Variants in MACROD2 observed in about 807,000 individuals in gnomAD.
The protein encoded by MACROD2 is ADP-ribose glycohydrolase MACROD2.
Under a neutral mutation model 70.4 loss-of-function variants are expected in MACROD2, and 36 were observed. That is an observed-to-expected ratio of 0.51 (90% CI 0.39 to 0.68). MACROD2 has a LOEUF of 0.68. MACROD2 is among the 30% of genes least tolerant of loss of function. MACROD2 has a pLI of 0.00. For synonymous variants in MACROD2, 172 were observed against 178.8 expected, an observed-to-expected ratio of 0.96 and a Z score of 0.30; for missense variants, 496 against 538.4, an observed-to-expected ratio of 0.92 and a Z score of 0.78.
At chr20:14,486,613 G>A (rs1347201412) in intron 3 of MACROD2, among the ~76,000 whole-genome samples, 2 of 143,590 alleles carry the variant, frequency 1.4e-5, no homozygotes, top group Admixed American at 1.5e-4. Context: ...TCCACCTCCT[G>A]GGTTCAAACA....
At chr20:15,759,571 T>G (rs2423987) in intron 8 of MACROD2, among the ~76,000 whole-genome samples, 151,453 of 152,288 alleles carry the variant, frequency 0.99, 75,311 homozygotes, top group East Asian at 1. Flanking sequence ...TGTACCTATT[T>G]CCCAAATTGC....
chr20:15,666,763 C>A (rs2049902989), intron 8 of MACROD2, among the ~76,000 whole-genome samples: 1 of 152,138 alleles, frequency 6.6e-6, no homozygotes, highest in Non-Finnish European at 1.5e-5. Flanking sequence ...TAGTGGAGGA[C>A]CAGCACCCCT....
At chr20:15,805,001 C>T (rs1040624654) in intron 8 of MACROD2, among the ~76,000 whole-genome samples, 1 of 152,196 alleles carries the variant, frequency 6.6e-6, no homozygotes, top group Non-Finnish European at 1.5e-5. Flanking sequence ...TCGCGTTGCC[C>T]ACAGTGGTTA....
At chr20:15,620,565 AATG>A (rs910615041) in intron 8 of MACROD2, among the ~76,000 whole-genome samples, 1 of 152,224 alleles carries the variant, frequency 6.6e-6, no homozygotes, top group Non-Finnish European at 1.5e-5. Flanking sequence ...TGCAATGTGC[AATG>A]ACTGCTGCTT....
rs75095253 is a variant in MACROD2, at chr20:15,910,626, T to G, written c.776-22650T>G. Among the ~76,000 whole-genome samples the G allele has an allele frequency of 2.2e-4, 34 of 152,280 alleles. No individual in the cohort carries two copies. The East Asian group carries it at 4.8e-3, about 22-fold the overall frequency. On this transcript the variant is annotated intron_variant, in intron 10 of 17. Coordinates refer to ENST00000684519, the MANE Select transcript of MACROD2 (RefSeq NM_001351661.2). ...TGTAGTAGGCACTTTCTGACGATGGTCACAACAGAACGCAGAATGGCTGAA... is the reference window on the plus strand; with the variant it reads ...TGTAGTAGGCACTTTCTGACGATGGGCACAACAGAACGCAGAATGGCTGAA...
chr20:14,650,804 A>G (rs184043853), intron 4 of MACROD2, among the ~76,000 whole-genome samples: 129 of 152,326 alleles, frequency 8.5e-4, no homozygotes, highest in African/African-American at 3.1e-3. Flanking sequence ...AGCCTTTAAT[A>G]TAGTTGCCAG....
intron 3 of MACROD2, among the ~76,000 whole-genome samples, chr20:14,153,122 G>A (rs1475228950): frequency 6.6e-6 from 1 of 152,188 alleles, no homozygotes; most frequent in African/African-American, 2.4e-5. Context: ...ACCAAGGAAA[G>A]TACATTGGGG....
chr20:14,914,143 T>C (rs1410288372), intron 5 of MACROD2, among the ~76,000 whole-genome samples: 1 of 152,194 alleles, frequency 6.6e-6, no homozygotes, highest in African/African-American at 2.4e-5. Context: ...TGGAGAACTA[T>C]TGTATTTTTT....
chr20:14,696,194 A>G (rs1338658172), intron 5 of MACROD2, among the ~76,000 whole-genome samples: 2 of 152,218 alleles, frequency 1.3e-5, no homozygotes, highest in Admixed American at 6.5e-5. Flanking sequence ...ATCGATAGAT[A>G]GATAGATAGT....
At chr20:16,036,917 A>C (rs1322046334) in intron 15 of MACROD2, among the ~76,000 whole-genome samples, 1 of 152,018 alleles carries the variant, frequency 6.6e-6, no homozygotes, top group Non-Finnish European at 1.5e-5. Context: ...CATGATATTA[A>C]ATTAATGAAC....
At chr20:15,916,058 C>T (rs1042364164) in intron 10 of MACROD2, among the ~76,000 whole-genome samples, 3 of 152,148 alleles carry the variant, frequency 2.0e-5, no homozygotes, top group African/African-American at 7.2e-5. Flanking sequence ...AAAATTAGTT[C>T]AACTCCTGCT....
intron 7 of MACROD2, among the ~76,000 whole-genome samples, chr20:15,485,297 G>A (rs2047149561): frequency 6.6e-6 from 1 of 151,132 alleles, no homozygotes. Context: ...CTGAGGAATT[G>A]CTTCAATCTA....
intron 3 of MACROD2, among the ~76,000 whole-genome samples, chr20:14,318,193 A>G (rs898928491): frequency 6.6e-6 from 1 of 152,112 alleles, no homozygotes. Context: ...CATACATTCA[A>G]CAGGGTATTA....
chr20:14,872,117 CAA>C (rs1395383554), intron 5 of MACROD2, among the ~76,000 whole-genome samples: 1 of 151,992 alleles, frequency 6.6e-6, no homozygotes, highest in Non-Finnish European at 1.5e-5. Context: ...ATCACTGAGA[CAA>C]AATTAACAAA....
chr20:14,448,273 GT>G (rs1260998015), intron 3 of MACROD2, among the ~76,000 whole-genome samples: 1 of 151,960 alleles, frequency 6.6e-6, no homozygotes, highest in Non-Finnish European at 1.5e-5. Flanking sequence ...TTGAGACTCT[GT>G]TCAGCAACTA....
chr20:15,353,970 T>G (rs1330197016), intron 6 of MACROD2, among the ~76,000 whole-genome samples: 5 of 142,696 alleles, frequency 3.5e-5, no homozygotes, highest in Admixed American at 7.3e-5. Flanking sequence ...GAACTAGAAA[T>G]ACCATTTGAC....
intron 4 of MACROD2, among the ~76,000 whole-genome samples, chr20:14,648,952 C>T (rs1055119339): frequency 6.6e-6 from 1 of 152,180 alleles, no homozygotes; most frequent in Non-Finnish European, 1.5e-5. Context: ...TCCACAGTTT[C>T]TCCTTCAAGT....
At chr20:15,986,680 T>C in intron 13 of MACROD2, 47 bp from the exon 14 acceptor site, 2 of 1,435,760 alleles carry the variant, frequency 1.4e-6, no homozygotes, top group Non-Finnish European at 2.0e-6. Context: ...AAAGCTACGG[T>C]CATGCATATC....
At chr20:15,207,662 C>G (rs1482215456) in intron 5 of MACROD2, among the ~76,000 whole-genome samples, 2 of 151,676 alleles carry the variant, frequency 1.3e-5, no homozygotes, top group East Asian at 1.9e-4. Flanking sequence ...AGGATGGTCT[C>G]AAACTCCTGA....
Sources: gnomAD v4.1 joint callset for allele counts (sites outside exome capture counted in the v4.1 genomes callset) on GRCh38, gnomAD v4.1.1 for gene constraint, MANE v1.5 for transcripts, NCBI Gene and HGNC (gene_info 2026-07-23, HGNC 2026-07-21) for gene names.